Variants in PSG8 observed in about 807,000 individuals in gnomAD.
PSG8 encodes the protein pregnancy specific beta-1-glycoprotein 8.
In PSG8, 57 loss-of-function variants were observed where a neutral mutation model predicts 42.5. That is an observed-to-expected ratio of 1.34 (90% CI 1.08 to 1.67). The LOEUF (loss-of-function observed/expected upper bound fraction) is 1.67. PSG8 is among the 40% of genes most tolerant of loss of function. The pLI is 0.00. For synonymous variants in PSG8, 280 were observed against 196.8 expected, an observed-to-expected ratio of 1.42 and a Z score of -3.54; for missense variants, 783 against 518.6, an observed-to-expected ratio of 1.51 and a Z score of -4.95.
Position 42,764,257 on chromosome 19 carries a change from G to T in PSG8, c.89C>A (p.Pro30Gln). The change falls in exon 2 of 5, where the codon CCA becomes CAA. Residue 30 changes from proline to glutamine, a missense_variant. Transcript: ENST00000306511. Reference sequence around the variant, plus strand: ...AATCGTGACTTGGGCAGTCGTGGGTGGGTTCCAGAAGTTTAAAAGTGATGC... The same window carrying T: ...AATCGTGACTTGGGCAGTCGTGGGTTGGTTCCAGAAGTTTAAAAGTGATGC... Reference protein sequence around the residue: ...LTASLLNFWNPPTTAQVTIEA... With the variant: ...LTASLLNFWNQPTTAQVTIEA... 1 of 1,613,588 alleles carries T rather than the reference G, an allele frequency of 6.2e-7. No individual in the cohort carries two copies. The highest frequency in any genetic ancestry group is 2.2e-5 in the East Asian group (1 of 44,826).
Position 42,765,601 on chromosome 19 carries a change from T to G in PSG8, c.-20A>C. On this transcript the variant is annotated 5_prime_UTR_variant, in exon 1 of 5. Transcript: ENST00000306511. The stretch of plus-strand genomic sequence containing the variant: ...CCCCATGGTCTCTGCTGTCTGTGTG[T>G]TCTCCTCTGTGGAGATGAGCCTAGG... 6.2e-7 allele frequency: 1 copy of G among 1,608,962 alleles called. No homozygotes were observed. The highest frequency in any genetic ancestry group is 8.5e-7 in the Non-Finnish European group (1 of 1,176,640).
At chr19:42,763,445 C>T (rs1032350776) in intron 2 of PSG8, among the ~76,000 whole-genome samples, 27 of 152,276 alleles carry the variant, frequency 1.8e-4, no homozygotes, top group Non-Finnish European at 2.6e-4. Flanking sequence ...TCCCAGTAAG[C>T]CCTGCCCAAG....
At chr19:42,753,108 C>T (rs530383727), downstream of PSG8, 43 of 633,136 alleles carry the variant, frequency 6.8e-5, no homozygotes, top group African/African-American at 7.4e-4. Flanking sequence ...GAGTCTTGTT[C>T]TGACATCTTG....
chr19:42,759,243 A>G (rs543297280), intron 2 of PSG8, among the ~76,000 whole-genome samples: 5 of 152,084 alleles, frequency 3.3e-5, no homozygotes, highest in Non-Finnish European at 5.9e-5. Flanking sequence ...CTGATTCTGA[A>G]TTTGACTACT....
intron 2 of PSG8, among the ~76,000 whole-genome samples, chr19:42,762,468 A>T (rs553485265): frequency 2.6e-5 from 4 of 152,070 alleles, no homozygotes; most frequent in Admixed American, 2.6e-4. Context: ...GTGTGGCTAG[A>T]AACTCCTAGG....
intron 1 of PSG8, among the ~76,000 whole-genome samples, chr19:42,764,762 C>T (rs570120186): frequency 1.3e-5 from 2 of 152,214 alleles, no homozygotes; most frequent in East Asian, 3.9e-4. Flanking sequence ...CCCTCCATGA[C>T]AGCGTGAGCT....
intron 2 of PSG8, among the ~76,000 whole-genome samples, chr19:42,760,075 A>C (rs1304048946): frequency 6.6e-6 from 1 of 152,180 alleles, no homozygotes; most frequent in African/African-American, 2.4e-5. Flanking sequence ...GAGTTAGGAA[A>C]AATGGGGAGG....
rs1350438707 is a variant in PSG8 at position 42,764,002 on chromosome 19, T to C, written c.344A>G (p.Glu115Gly). 3 of 1,612,796 alleles carry C rather than the reference T, an allele frequency of 1.9e-6. No homozygotes were observed. Among genetic ancestry groups the C allele is most frequent in the Admixed American group, 1.7e-5 (1 of 59,876 alleles). The change falls in exon 2 of 5, where the codon GAA (glutamate) becomes GGA (glycine). Residue 115 changes from glutamate (E) to glycine (G), a missense_variant. Coordinates refer to ENST00000306511, the MANE Select transcript of PSG8 (RefSeq NM_182707.3). ...ASLLIQNVTQEDAGSYTLHII... is the reference protein window; with the variant it reads ...ASLLIQNVTQGDAGSYTLHII... ...GTGTAAGGTGTAGGATCCTGCGTCT[T>C]CCTGGGTGACATTCTGGATCAGCAG...
At chr19:42,752,836 T>C (rs187443059), downstream of PSG8, 187 of 195,802 alleles carry the variant, frequency 9.6e-4, no homozygotes, top group African/African-American at 4.3e-3. Flanking sequence ...TACCTCTTCA[T>C]AGAAACCATC....
chr19:42,754,197 T>A (rs1969850086), downstream of PSG8: 1 of 1,558,490 alleles, frequency 6.4e-7, no homozygotes, highest in African/African-American at 1.4e-5. Flanking sequence ...ATTTGGAGGG[T>A]TTAGGAGGAG....
chr19:42,763,403 A>T (rs1423998357), intron 2 of PSG8, among the ~76,000 whole-genome samples: 1 of 152,086 alleles, frequency 6.6e-6, no homozygotes, highest in Non-Finnish European at 1.5e-5. Context: ...GCTCCAGGAG[A>T]CACAGTCCTC....
chr19:42,753,619 TC>T (rs1167545680), downstream of PSG8, among the ~76,000 whole-genome samples: 1 of 152,212 alleles, frequency 6.6e-6, no homozygotes, highest in African/African-American at 2.4e-5. Context: ...TTTAAAATTT[TC>T]TTTTCTCTAA....
At chr19:42,759,616 A>C (rs1487934645) in intron 2 of PSG8, among the ~76,000 whole-genome samples, 1 of 152,132 alleles carries the variant, frequency 6.6e-6, no homozygotes, top group Non-Finnish European at 1.5e-5. Context: ...GTTTTGGAGC[A>C]TTTCAGATTG....
chr19:42,758,305 T>A (rs767494794), intron 2 of PSG8, 25 bp from the exon 3 acceptor site: 10 of 1,606,534 alleles, frequency 6.2e-6, no homozygotes, highest in Admixed American at 3.4e-5. Flanking sequence ...GAGAGAAGAT[T>A]GCCCTGTGTG....
chr19:42,758,143 A>T lies in PSG8; in HGVS notation c.568T>A (p.Ser190Thr), dbSNP rs145990413. 8.1e-5 allele frequency: 131 copies of T among 1,613,992 alleles called. No individual in the cohort carries two copies. The highest frequency in any genetic ancestry group is 1.7e-4 in the Admixed American group (10 of 60,014). ...GTTTCAGACAACTGCAACCTGTGAG[A>T]CATAGGGAGGCTCTGACCATTCATC... ...WWMNGQSLPM[S>T]HRLQLSETNR... The change falls in exon 3 of 5, where the codon TCT (serine) becomes ACT (threonine). Residue 190 changes from serine to threonine, a missense_variant. Coordinates refer to ENST00000306511, the MANE Select transcript of PSG8 (RefSeq NM_182707.3).
In PSG8 at chr19:42,755,200, T is replaced by G. The variant is rs777710774; in HGVS notation, c.776A>C (p.Asn259Thr). 3.8e-5 allele frequency: 62 copies of G among 1,611,252 alleles called. No individual in the cohort carries two copies. Among genetic ancestry groups the G allele is most frequent in the African/African-American group, 1.2e-4 (9 of 74,682 alleles). ...CTCACTCTTAGGTTCACAGGTGAAG[T>G]TTAAGACATCCTTATTCTCCCTGGG... Reference protein sequence around the residue: ...LKPRENKDVLNFTCEPKSENY... With the variant: ...LKPRENKDVLTFTCEPKSENY... Residue 259 changes from asparagine to threonine, a missense_variant, in exon 4 of 5, where the codon AAC becomes ACC. Physicochemically the swap from Asn to Thr is moderately conservative, Grantham distance 65. Transcript: ENST00000306511.
Position 42,763,921 on chromosome 19 carries a change from A to T in PSG8, c.425T>A (p.Leu142Ter), listed in dbSNP as rs372958378. The change falls in exon 2 of 5, where the codon TTA becomes TAA. Residue 142 changes from leucine to a stop codon, truncating the protein, a stop_gained. Coordinates refer to ENST00000306511, the MANE Select transcript of PSG8 (RefSeq NM_182707.3). LOFTEE classifies it high-confidence loss of function. Reference sequence around the variant, plus strand: ...GATCATGTGGAATCACTCACGATATAAGGTGAAGGTGAAATGTCCAGTTAC... The same window carrying T: ...GATCATGTGGAATCACTCACGATATTAGGTGAAGGTGAAATGTCCAGTTAC... Reference protein sequence around the residue: ...RGVTGHFTFTLYLETPKPSIS... With the variant: ...RGVTGHFTFT The T allele has an allele frequency of 2.5e-6, 4 of 1,613,564 alleles. No homozygotes were observed. The African/African-American group carries it at 5.3e-5, about 22-fold the overall frequency.
At chr19:42,755,447 C>T in intron 3 of PSG8, 181 bp from the exon 4 acceptor site, 1 of 1,296,540 alleles carries the variant, frequency 7.7e-7, no homozygotes, top group Non-Finnish European at 1.0e-6. Context: ...ACTATGAGGC[C>T]AGCTGCTCTG....
intron 2 of PSG8, among the ~76,000 whole-genome samples, chr19:42,759,157 A>G (rs1970009985): frequency 6.6e-6 from 1 of 152,022 alleles, no homozygotes; most frequent in African/African-American, 2.4e-5. Flanking sequence ...CATGGACCAT[A>G]TGTGTTTGGT....
Sources: allele counts gnomAD v4.1 joint callset (sites outside exome capture counted in the v4.1 genomes callset), GRCh38; gene constraint gnomAD v4.1.1; transcripts MANE v1.5; gene names NCBI Gene and HGNC (gene_info 2026-07-23, HGNC 2026-07-21).